Variants in PNPLA6 observed in about 807,000 individuals in gnomAD.
The protein encoded by PNPLA6 is patatin like domain 6, lysophospholipase.
In PNPLA6, 105 loss-of-function variants were observed where a neutral mutation model predicts 153.7. The observed-to-expected ratio is 0.68, with a 90% CI of 0.58 to 0.80. The LOEUF is 0.80. Ranked by LOEUF, PNPLA6 falls within the 30% of genes least tolerant of loss-of-function variation. The pLI, the probability that PNPLA6 is intolerant of heterozygous loss-of-function variation, is 0.00. For synonymous variants in PNPLA6, 825 were observed against 822.2 expected (o/e 1.00, Z -0.06); for missense variants, 1,423 against 1,919.3 (o/e 0.74, Z 4.83).
chr19:7,555,890 C>T lies in PNPLA6; in HGVS notation c.3093+127C>T. The T allele has an allele frequency of 9.8e-7, 1 of 1,019,104 alleles. No homozygotes were observed. Among genetic ancestry groups the T allele is most frequent in the Non-Finnish European group, 1.5e-6 (1 of 672,396 alleles). The allele number at this position is 1,019,104 out of a possible 1,614,324, so 63.1% of individuals were successfully genotyped here. A position where few individuals can be genotyped will look rare whatever the true frequency, so the allele number is the denominator to read the frequency against. On this transcript the variant is annotated intron_variant, in intron 24 of 31. Coordinates refer to ENST00000600737, the MANE Select transcript of PNPLA6 (RefSeq NM_001166114.2). This position sits in a 1 kb window ranked among gnomAD's most constrained non-coding sequence, Gnocchi z 6.3. ...CCCTTCCTGATTAAATCTATGATCC[C>T]CAGCTGTCCGGACTTTTATAGATAA...
chr19:7,541,381 A>AC lies in PNPLA6; in HGVS notation c.954dup (p.Phe319LeufsTer13). The AC allele has an allele frequency of 5.6e-6, 9 of 1,613,794 alleles. No homozygotes were observed. Among genetic ancestry groups the AC allele is most frequent in the Non-Finnish European group, 7.6e-6 (9 of 1,179,898 alleles). On this transcript the variant is annotated frameshift_variant, in exon 8 of 32. Coordinates refer to ENST00000600737, the MANE Select transcript of PNPLA6 (RefSeq NM_001166114.2). LOFTEE classifies it high-confidence loss of function. This position sits in a 1 kb window ranked among gnomAD's most constrained non-coding sequence, Gnocchi z 5.2. ...CATCATGGTGCGGCTGCAGCGAGTC[A>AC]CCTTCCTGGCACTGCACAACTACCT...
rs2023987017 is a variant in PNPLA6, at chr19:7,558,709, C to G, written c.3398-141C>G. ...GCATCATTTGCACGTCTGTGCATGA[C>G]AGCATGGTGTTTGCATGTGTGGGTA... On this transcript the variant is annotated intron_variant, in intron 27 of 31. Transcript: ENST00000600737. 6.0e-6 allele frequency: 4 copies of G among 664,774 alleles called. No individual in the cohort carries two copies. In the Admixed American group the frequency reaches 7.0e-5, roughly 12 times the overall value. 41.2% of individuals were successfully genotyped at this position (664,774 alleles called of 1,614,324 possible).
chr19:7,543,981 T>G (rs933441551), intron 13 of PNPLA6, among the ~76,000 whole-genome samples: 1 of 150,426 alleles, frequency 6.6e-6, no homozygotes, highest in African/African-American at 2.5e-5. Flanking sequence ...GCCCGGCTAA[T>G]TTTTTGTATT....
chr19:7,537,573 G>T (rs539203038), intron 3 of PNPLA6, among the ~76,000 whole-genome samples: 38 of 152,280 alleles, frequency 2.5e-4, no homozygotes, highest in African/African-American at 8.4e-4. Flanking sequence ...TGCCTCAAGG[G>T]TTTCTTCACA....
At chr19:7,554,111 A>T in intron 19 of PNPLA6, 96 bp downstream of exon 19, 1 of 1,557,568 alleles carries the variant, frequency 6.4e-7, no homozygotes, top group Non-Finnish European at 8.9e-7. Flanking sequence ...GTGGAGGGGA[A>T]CAGGGCCACA....
At position 7,547,811 on chromosome 19, in the gene PNPLA6, ATTTTTTTTTT is replaced by A. The variant is rs71286227; in HGVS notation, c.1609-2073_1609-2064del. Among the ~76,000 whole-genome samples, 1,024 of 114,554 alleles carry A rather than the reference ATTTTTTTTTT, an allele frequency of 8.9e-3. 99 individuals carry two copies. The highest frequency in any genetic ancestry group is 0.03 in the African/African-American group (869 of 28,714). The allele number at this position is 114,554 out of a possible 152,430, so 75.2% of individuals were successfully genotyped here. A position where few individuals can be genotyped will look rare whatever the true frequency, so the allele number is the denominator to read the frequency against. On this transcript the variant is annotated intron_variant, in intron 13 of 31. Transcript: ENST00000600737. ...TGCTACCATGCCTGGCTAATTAAAAATTTTTTTTTTTTTTTTTTTTTTTTTTTTTTTTGTA... is the reference window on the plus strand; with the variant it reads ...TGCTACCATGCCTGGCTAATTAAAAATTTTTTTTTTTTTTTTTTTTTTGTA...
At chr19:7,545,488 G>A (rs915207503) in intron 13 of PNPLA6, among the ~76,000 whole-genome samples, 2 of 152,110 alleles carry the variant, frequency 1.3e-5, no homozygotes, top group African/African-American at 2.4e-5. Flanking sequence ...ATTTCTGGGC[G>A]GTTTCAGTTC....
intron 27 of PNPLA6, among the ~76,000 whole-genome samples, chr19:7,558,614 A>C (rs1248013752): frequency 6.6e-6 from 1 of 152,230 alleles, no homozygotes; most frequent in Non-Finnish European, 1.5e-5. Flanking sequence ...CCTGGGCGAC[A>C]GAGTGAGACT....
intron 26 of PNPLA6, 57 bp downstream of exon 26, chr19:7,556,781 T>A: frequency 2.3e-6 from 3 of 1,289,646 alleles, no homozygotes; most frequent in Non-Finnish European, 3.4e-6. Flanking sequence ...GTTGGGGGGA[T>A]GCTTCCGGGA....
chr19:7,554,325 A>T, intron 20 of PNPLA6, 53 bp downstream of exon 20: 2 of 1,525,132 alleles, frequency 1.3e-6, no homozygotes, highest in South Asian at 1.1e-5. Flanking sequence ...TGGAGCCTCA[A>T]ATTCTTTCAG....
intron 17 of PNPLA6, 49 bp from the exon 18 acceptor site, chr19:7,551,313 A>G: frequency 6.4e-7 from 1 of 1,564,546 alleles, no homozygotes; most frequent in Non-Finnish European, 8.8e-7. Context: ...TGGGACCTGG[A>G]CAGCCGCTTC....
At chr19:7,538,538 A>G (rs1016564491) in intron 3 of PNPLA6, among the ~76,000 whole-genome samples, 13 of 152,136 alleles carry the variant, frequency 8.5e-5, no homozygotes, top group Admixed American at 7.9e-4. Context: ...TCAGGGTCCC[A>G]TCCTCCAAGG....
At chr19:7,536,623 G>T in intron 3 of PNPLA6, 77 bp downstream of exon 3, 1 of 957,616 alleles carries the variant, frequency 1.0e-6, no homozygotes, top group South Asian at 1.3e-5. Flanking sequence ...ACACCAAAGT[G>T]TTGTGGAAGT....
chr19:7,555,893 GCTGTCCGGA>G lies in PNPLA6; in HGVS notation c.3093+133_3093+141del. 1 of 990,280 alleles carries G rather than the reference GCTGTCCGGA, an allele frequency of 1.0e-6. No homozygotes were observed. 61.3% of individuals were successfully genotyped at this position (990,280 alleles called of 1,614,324 possible). On this transcript the variant is annotated intron_variant, in intron 24 of 31. Transcript: ENST00000600737. The surrounding 1 kb of genome is among the most constrained non-coding windows in gnomAD (Gnocchi z 6.3). ...TTCCTGATTAAATCTATGATCCCCA[GCTGTCCGGA>G]CTTTTATAGATAAGCTTCTAGGACT...
rs761179385 is a variant in PNPLA6 at position 7,541,698 on chromosome 19, C to A, written c.1168+14C>A. 1.3e-6 allele frequency: 2 copies of A among 1,556,690 alleles called. No homozygotes were observed. The highest frequency in any genetic ancestry group is 1.4e-5 in the African/African-American group (1 of 73,776). On this transcript the variant is annotated intron_variant, in intron 9 of 31. Coordinates refer to ENST00000600737, the MANE Select transcript of PNPLA6 (RefSeq NM_001166114.2). This position sits in a 1 kb window ranked among gnomAD's most constrained non-coding sequence, Gnocchi z 5.2. ...CTGGACCTACAGGTACCCAGGGACC[C>A]GAGGCCAGCCGAGCCCAATCTCCCA...
At chr19:7,554,862 G>C (rs371653424) in intron 21 of PNPLA6, 31 bp from the exon 22 acceptor site, 25 of 1,571,750 alleles carry the variant, frequency 1.6e-5, no homozygotes, top group Non-Finnish European at 2.1e-5. Flanking sequence ...TGGTGGGGCG[G>C]CTGGTGACCT....
intron 14 of PNPLA6, 21 bp from the exon 15 acceptor site, chr19:7,550,277 A>G (rs746282317): frequency 1.9e-6 from 3 of 1,612,904 alleles, no homozygotes; most frequent in Non-Finnish European, 2.5e-6. Flanking sequence ...TTCCTCTTTC[A>G]TCCCAAGTCT....
intron 20 of PNPLA6, 117 bp from the exon 21 acceptor site, chr19:7,554,438 C>T: frequency 3.0e-6 from 4 of 1,333,512 alleles, no homozygotes; most frequent in Non-Finnish European, 4.3e-6. Context: ...GGAGCACGGA[C>T]TTCCGTGGTG....
At chr19:7,547,023 G>C (rs1044185113) in intron 13 of PNPLA6, among the ~76,000 whole-genome samples, 1 of 151,862 alleles carries the variant, frequency 6.6e-6, no homozygotes, top group African/African-American at 2.4e-5. Context: ...TCCTGTCTCA[G>C]CCTCCTGAGT....
Sources: allele counts gnomAD v4.1 joint callset (sites outside exome capture counted in the v4.1 genomes callset), GRCh38; gene constraint gnomAD v4.1.1; non-coding constraint Gnocchi (gnomAD v3.1); transcripts MANE v1.5; gene names NCBI Gene and HGNC (gene_info 2026-07-23, HGNC 2026-07-21).